The following SMIM13 variants were observed in gnomAD, a reference collection of about 807,000 sequenced individuals.
SMIM13 encodes small integral membrane protein 13, also known as UPF0766 protein C6orf228.
SMIM13 carries 3 observed loss-of-function variants against 5.9 expected under a neutral mutation model. That is an observed-to-expected ratio of 0.51 (90% CI 0.23 to 1.31). The LOEUF is 1.31. SMIM13 is among the 40% of genes most tolerant of loss of function. The pLI is 0.18. For missense variants in SMIM13, 85 were observed against 109.9 expected, an observed-to-expected ratio of 0.77 and a Z score of 1.01; for synonymous variants, 55 against 46.0, an observed-to-expected ratio of 1.19 and a Z score of -0.79.
At chr6:11,099,030 A>C (rs1319015874) in intron 1 of SMIM13, among the ~76,000 whole-genome samples, 1 of 152,116 alleles carries the variant, frequency 6.6e-6, no homozygotes, top group Non-Finnish European at 1.5e-5. Flanking sequence ...TTATGTTTCT[A>C]TAATATACTG....
At chr6:11,124,448 A>G (rs1758350467) in intron 1 of SMIM13, among the ~76,000 whole-genome samples, 2 of 152,248 alleles carry the variant, frequency 1.3e-5, no homozygotes, top group Admixed American at 1.3e-4. Context: ...ATAGTACTGC[A>G]GTAAACATGG....
chr6:11,112,834 G>T (rs981712622), intron 1 of SMIM13, among the ~76,000 whole-genome samples: 1 of 151,834 alleles, frequency 6.6e-6, no homozygotes, highest in Non-Finnish European at 1.5e-5. Context: ...TTGAGATGGG[G>T]TCTTGCTCTG....
At chr6:11,094,457 G>GTTTGT in intron 1 of SMIM13, 68 bp downstream of exon 1, 1 of 1,261,914 alleles carries the variant, frequency 7.9e-7, no homozygotes. Context: ...GGTTTTTTTT[G>GTTTGT]TTGTTTGTTT....
In SMIM13 at chr6:11,103,660, C is replaced by T. The variant is rs184522373; in HGVS notation, c.76+9271C>T. The T allele has an allele frequency of 4.2e-4, 636 of 1,511,588 alleles. 2 individuals are homozygous for T. The African/African-American group carries it at 6.8e-3, about 16-fold the overall frequency. 93.6% of individuals were successfully genotyped at this position (1,511,588 alleles called of 1,614,324 possible). On this transcript the variant is annotated intron_variant, in intron 1 of 1. Coordinates refer to ENST00000416247, the MANE Select transcript of SMIM13 (RefSeq NM_001135575.2). ...AGACGGGGCAGGATTTCGCCTCTGT[C>T]GTGTTCCACTAGCGAGCAGTCTAGG... is the stretch of plus-strand genomic sequence containing the variant.
At chr6:11,113,508 C>T (rs1352655486) in intron 1 of SMIM13, among the ~76,000 whole-genome samples, 2 of 152,014 alleles carry the variant, frequency 1.3e-5, no homozygotes, top group African/African-American at 4.8e-5. Context: ...ATTCTGGATA[C>T]AAGTTTTTTT....
At chr6:11,110,931 A>G (rs1229767654) in intron 1 of SMIM13, among the ~76,000 whole-genome samples, 2 of 152,164 alleles carry the variant, frequency 1.3e-5, no homozygotes, top group East Asian at 1.9e-4. Context: ...AAGCAAGCAA[A>G]CCATTCAAAA....
chr6:11,111,450 A>G (rs900690239), intron 1 of SMIM13, among the ~76,000 whole-genome samples: 3 of 152,176 alleles, frequency 2.0e-5, no homozygotes, highest in Non-Finnish European at 4.4e-5. Context: ...TGGGGGGGCC[A>G]TTAGTGTCTC....
chr6:11,117,013 A>T, intron 1 of SMIM13, among the ~76,000 whole-genome samples: 2 of 52,098 alleles, frequency 3.8e-5, no homozygotes, highest in Non-Finnish European at 6.7e-5. Flanking sequence ...TTTTTTTGAG[A>T]CGTAGTCTTG....
intron 1 of SMIM13, 68 bp downstream of exon 1, chr6:11,094,457 G>T (rs41270602): frequency 0.14 from 180,551 of 1,257,150 alleles, 14,653 homozygotes; most frequent in African/African-American, 0.25. Context: ...GGTTTTTTTT[G>T]TTGTTTGTTT....
At chr6:11,105,148 C>T in intron 1 of SMIM13, 1 of 1,614,210 alleles carries the variant, frequency 6.2e-7, no homozygotes, top group East Asian at 2.2e-5. Flanking sequence ...TAAGCTGTCC[C>T]TGGTGTTTCA....
At chr6:11,110,576 G>T (rs1758151896) in intron 1 of SMIM13, among the ~76,000 whole-genome samples, 1 of 152,124 alleles carries the variant, frequency 6.6e-6, no homozygotes, top group South Asian at 2.1e-4. Flanking sequence ...GTGATTAGAG[G>T]AATGGAGGAA....
intron 1 of SMIM13, among the ~76,000 whole-genome samples, chr6:11,112,971 C>T (rs1199999864): frequency 6.6e-6 from 1 of 151,826 alleles, no homozygotes; most frequent in Non-Finnish European, 1.5e-5. Context: ...CCATGCCTGG[C>T]TAATTTATTT....
chr6:11,127,776 A>T (rs1758397055), intron 1 of SMIM13, among the ~76,000 whole-genome samples: 1 of 152,192 alleles, frequency 6.6e-6, no homozygotes, highest in Non-Finnish European at 1.5e-5. Context: ...CGTGGGAATT[A>T]TAGGAGTATT....
chr6:11,134,707 G>A lies in SMIM13; in HGVS notation c.*105G>A, dbSNP rs1758496855. 3 of 931,450 alleles carry A rather than the reference G, an allele frequency of 3.2e-6. No individual in the cohort carries two copies. In the East Asian group the frequency reaches 9.0e-5, roughly 28 times the overall value. The allele number at this position is 931,450 out of a possible 1,614,324, so 57.7% of individuals were successfully genotyped here. ...GAAGAACATTTGTATTGGATTTTAA[G>A]TCGAATTTTAAAAAAGATTTACATG... On this transcript the variant is annotated 3_prime_UTR_variant, in exon 2 of 2. Coordinates refer to ENST00000416247, the MANE Select transcript of SMIM13 (RefSeq NM_001135575.2).
At chr6:11,101,032 C>CTT (rs200622017) in intron 1 of SMIM13, among the ~76,000 whole-genome samples, 25 of 127,500 alleles carry the variant, frequency 2.0e-4, no homozygotes, top group African/African-American at 6.1e-4. Context: ...TCTCCATTTT[C>CTT]TTTTTTTTTT....
At chr6:11,128,097 A>G (rs1758401712) in intron 1 of SMIM13, among the ~76,000 whole-genome samples, 5 of 152,104 alleles carry the variant, frequency 3.3e-5, no homozygotes, top group African/African-American at 1.2e-4. Flanking sequence ...GTTTCTCCGC[A>G]TAGCCACCAC....
At chr6:11,124,651 C>CT (rs1215223072) in intron 1 of SMIM13, among the ~76,000 whole-genome samples, 1 of 152,100 alleles carries the variant, frequency 6.6e-6, no homozygotes, top group Non-Finnish European at 1.5e-5. Flanking sequence ...ACAAGGGTTC[C>CT]TTTTTTCTCC....
chr6:11,134,328 C>G, intron 1 of SMIM13, 75 bp from the exon 2 acceptor site: 1 of 1,004,740 alleles, frequency 1.0e-6, no homozygotes, highest in African/African-American at 1.6e-5. Context: ...AATATACCCC[C>G]CATTAACTGT....
intron 1 of SMIM13, among the ~76,000 whole-genome samples, chr6:11,133,073 A>C (rs1243956169): frequency 6.6e-6 from 1 of 152,042 alleles, no homozygotes; most frequent in Non-Finnish European, 1.5e-5. Context: ...TTCATTCCTC[A>C]CTATAGCTTT....
Sources: gnomAD v4.1 joint callset for allele counts (sites outside exome capture counted in the v4.1 genomes callset) on GRCh38, gnomAD v4.1.1 for gene constraint, MANE v1.5 for transcripts, NCBI Gene and HGNC (gene_info 2026-07-23, HGNC 2026-07-21) for gene names.